Variants in STIP1 observed in about 807,000 individuals in gnomAD.
STIP1 encodes the protein stress induced phosphoprotein 1, also known as stress-induced-phosphoprotein 1.
Under a neutral mutation model 77.4 loss-of-function variants are expected in STIP1, and 16 were observed. The ratio of observed to expected loss-of-function variants is 0.21; its 90% CI spans 0.14 to 0.31. The LOEUF (loss-of-function observed/expected upper bound fraction) is 0.31, where lower values mean the gene tolerates loss of function less well. Among genes scored for constraint, STIP1 ranks in the 10% least tolerant of loss-of-function variants. STIP1 has a pLI of 1.00. For missense variants in STIP1, 524 were observed against 684.8 expected, an observed-to-expected ratio of 0.77 and a Z score of 2.62; for synonymous variants, 258 against 246.6, an observed-to-expected ratio of 1.05 and a Z score of -0.44.
At chr11:64,194,920 G>T (rs978406177) in intron 4 of STIP1, among the ~76,000 whole-genome samples, 2 of 152,008 alleles carry the variant, frequency 1.3e-5, no homozygotes, top group African/African-American at 4.8e-5. Flanking sequence ...TTCTCTGTTG[G>T]TATATCAGAG....
chr11:64,190,178 T>C (rs191117858), intron 1 of STIP1, among the ~76,000 whole-genome samples: 2 of 151,676 alleles, frequency 1.3e-5, no homozygotes, highest in African/African-American at 2.4e-5. Context: ...TTTATTTATT[T>C]ATTTATTTTT....
At position 64,193,229 on chromosome 11, in the gene STIP1, A is replaced by G. The variant is rs1179821785; in HGVS notation, c.161A>G (p.Tyr54Cys). ...RSAAYAKKGDYQKAYEDGCKT... is the reference protein window; with the variant it reads ...RSAAYAKKGDCQKAYEDGCKT... ...GCTGCCTATGCCAAGAAAGGAGACT[A>G]CCAGAAGGCTTATGAGGATGGCTGC... The change falls in exon 2 of 14, where the codon TAC (tyrosine) becomes TGC (cysteine). Residue 54 changes from tyrosine to cysteine, a missense_variant. Coordinates refer to ENST00000305218, the MANE Select transcript of STIP1 (RefSeq NM_006819.3). 1 of 1,614,196 alleles carries G rather than the reference A, an allele frequency of 6.2e-7. No homozygotes were observed.
At chr11:64,186,137 C>T (rs1288202571), upstream of STIP1, 20 of 1,550,710 alleles carry the variant, frequency 1.3e-5, no homozygotes, top group East Asian at 2.4e-5. Context: ...GACCAGTGAG[C>T]AGGCGAGGAA....
chr11:64,191,848 C>G (rs1260717709), intron 1 of STIP1, among the ~76,000 whole-genome samples: 1 of 151,766 alleles, frequency 6.6e-6, no homozygotes. Context: ...GCTGTCACTT[C>G]ACACTTGGAG....
intron 8 of STIP1, 75 bp downstream of exon 8, chr11:64,198,049 A>G (rs1946170563): frequency 1.9e-5 from 29 of 1,524,866 alleles, no homozygotes; most frequent in Non-Finnish European, 2.5e-5. Flanking sequence ...GTTTTATTTA[A>G]TAATGAACTT....
At chr11:64,191,460 G>C (rs1946091791) in intron 1 of STIP1, among the ~76,000 whole-genome samples, 1 of 151,816 alleles carries the variant, frequency 6.6e-6, no homozygotes, top group African/African-American at 2.4e-5. Flanking sequence ...ACAAAAATTA[G>C]CTGGGCGTGG....
At chr11:64,197,694 T>G in intron 7 of STIP1, 99 bp downstream of exon 7, 1 of 1,561,324 alleles carries the variant, frequency 6.4e-7, no homozygotes, top group Non-Finnish European at 8.8e-7. Context: ...GGCCATAGAA[T>G]CTGCTGTGTT....
chr11:64,197,145 C>A (rs1946159734), intron 5 of STIP1, 126 bp from the exon 6 acceptor site: 6 of 1,224,918 alleles, frequency 4.9e-6, no homozygotes, highest in Non-Finnish European at 6.8e-6. Context: ...GATGAAGAGG[C>A]CTTCAGGAGA....
At chr11:64,194,114 T>A in intron 2 of STIP1, 75 bp from the exon 3 acceptor site, 1 of 1,549,976 alleles carries the variant, frequency 6.5e-7, no homozygotes, top group Non-Finnish European at 8.7e-7. Flanking sequence ...AAAGTAGAAT[T>A]GTTCTTTTTT....
In STIP1 at chr11:64,197,841, CT is replaced by C. The variant is rs749380673; in HGVS notation, c.903-10del. 3 of 1,610,550 alleles carry C rather than the reference CT, an allele frequency of 1.9e-6. No individual in the cohort carries two copies. In the African/African-American group the frequency reaches 4.0e-5, roughly 22 times the overall value. On this transcript the variant is annotated splice_polypyrimidine_tract_variant and intron_variant, in intron 7 of 13. Transcript: ENST00000305218. The stretch of plus-strand genomic sequence containing the variant: ...TCTGTCCTAAGCAGTCCTTGTCCCT[CT>C]TTCTTTATCAGAGCATATGCTCGAA...
chr11:64,203,951 C>A, intron 13 of STIP1, 103 bp from the exon 14 acceptor site: 1 of 1,402,548 alleles, frequency 7.1e-7, no homozygotes, highest in South Asian at 1.2e-5. Context: ...GGACCCCTCC[C>A]TGCCGGGGCC....
Position 64,204,059 on chromosome 11 carries a change from T to C in STIP1, c.1565T>C (p.Leu522Ser), listed in dbSNP as rs767532638. The stretch of plus-strand genomic sequence containing the variant: ...AACTGCGTCTTCCTCTGTAGACACT[T>C]AAAGAATCCTGTAATAGCACAGAAG... ...QKDPQALSEHLKNPVIAQKIQ... is the reference protein window; with the variant it reads ...QKDPQALSEHSKNPVIAQKIQ... Residue 522 changes from leucine (L) to serine (S), a missense_variant, in exon 14 of 14, where the codon TTA becomes TCA. Transcript: ENST00000305218. The C allele has an allele frequency of 6.2e-7, 1 of 1,614,138 alleles. No homozygotes were observed. The highest frequency in any genetic ancestry group is 1.7e-5 in the Admixed American group (1 of 60,008).
At chr11:64,193,405 G>C (rs1946114266) in intron 2 of STIP1, 118 bp downstream of exon 2, 6 of 859,764 alleles carry the variant, frequency 7.0e-6, no homozygotes, top group Admixed American at 2.3e-5. Flanking sequence ...CTCCCTGTTT[G>C]AGTATCCTCC....
intron 1 of STIP1, among the ~76,000 whole-genome samples, chr11:64,190,324 C>G (rs1297639834): frequency 1.3e-5 from 2 of 152,226 alleles, no homozygotes; most frequent in East Asian, 3.8e-4. Context: ...CAGGCATGCA[C>G]CACCACGCCC....
chr11:64,195,216 C>CGATT (rs1199791273), intron 4 of STIP1, among the ~76,000 whole-genome samples: 14 of 152,056 alleles, frequency 9.2e-5, no homozygotes, highest in African/African-American at 3.4e-4. Context: ...TGGGTTCAAG[C>CGATT]GATTCTCCTG....
At chr11:64,194,404 A>G (rs1386304913) in intron 3 of STIP1, 74 bp downstream of exon 3, 1 of 1,609,798 alleles carries the variant, frequency 6.2e-7, no homozygotes, top group African/African-American at 1.3e-5. Flanking sequence ...GAGAAATGTC[A>G]GTCTGGTAGG....
chr11:64,194,344 A>G lies in STIP1; in HGVS notation c.361+14A>G, dbSNP rs760101168. 2 of 1,612,492 alleles carry G rather than the reference A, an allele frequency of 1.2e-6. No individual in the cohort carries two copies. Among genetic ancestry groups the G allele is most frequent in the Non-Finnish European group, 1.7e-6 (2 of 1,179,584 alleles). ...CCAGGTTGGCAGGTAGGTACCACGC[A>G]CAGTTTTCTTTCTTATTATTAATGT... On this transcript the variant is annotated intron_variant, in intron 3 of 13. Transcript: ENST00000305218.
At chr11:64,201,556 A>C (rs1946220073) in intron 10 of STIP1, among the ~76,000 whole-genome samples, 1 of 152,134 alleles carries the variant, frequency 6.6e-6, no homozygotes, top group Non-Finnish European at 1.5e-5. Flanking sequence ...TCTAGCTGAC[A>C]AACCTGGACC....
chr11:64,190,365 C>G (rs969617817), intron 1 of STIP1, among the ~76,000 whole-genome samples: 1 of 151,980 alleles, frequency 6.6e-6, no homozygotes, highest in Non-Finnish European at 1.5e-5. Context: ...TTAGTAGAGA[C>G]GGGGTTTCTC....
Sources: gnomAD v4.1 joint callset for allele counts (sites outside exome capture counted in the v4.1 genomes callset) on GRCh38, gnomAD v4.1.1 for gene constraint, MANE v1.5 for transcripts, NCBI Gene and HGNC (gene_info 2026-07-23, HGNC 2026-07-21) for gene names.